Variants in CLVS1 observed in about 807,000 individuals in gnomAD.
CLVS1 encodes the protein clavesin 1, also known as clavesin-1.
In CLVS1, 10 loss-of-function variants were observed where a neutral mutation model predicts 33.1. That is an observed-to-expected ratio of 0.30 (90% CI 0.19 to 0.51). The LOEUF (loss-of-function observed/expected upper bound fraction) is 0.51, where lower values mean the gene tolerates loss of function less well. Ranked by LOEUF, CLVS1 falls within the 20% of genes least tolerant of loss-of-function variation. The pLI is 0.97. For synonymous variants in CLVS1, 163 were observed against 166.1 expected, an observed-to-expected ratio of 0.98 and a Z score of 0.14; for missense variants, 343 against 433.4, an observed-to-expected ratio of 0.79 and a Z score of 1.85.
At chr8:61,398,772 G>C (rs1423794921) in intron 3 of CLVS1, among the ~76,000 whole-genome samples, 1 of 152,018 alleles carries the variant, frequency 6.6e-6, no homozygotes, top group Non-Finnish European at 1.5e-5. Context: ...TCATTATTCA[G>C]CTCCCACCTA....
At chr8:61,429,548 C>T (rs564453116) in intron 3 of CLVS1, among the ~76,000 whole-genome samples, 6 of 152,140 alleles carry the variant, frequency 3.9e-5, no homozygotes, top group African/African-American at 1.4e-4. Context: ...CAGAGTCCTC[C>T]AGATCTAATC....
rs999408832 is a variant in CLVS1 at position 61,491,761 on chromosome 8, A to G, written c.978-7694A>G. Among the ~76,000 whole-genome samples, 3 of 152,224 alleles carry G rather than the reference A, an allele frequency of 2.0e-5. 1 individual carries two copies. In the East Asian group the frequency reaches 5.8e-4, roughly 29 times the overall value. On this transcript the variant is annotated intron_variant, in intron 5 of 5. Transcript: ENST00000325897. The stretch of plus-strand genomic sequence containing the variant: ...AAACAAAATAGCATGAACACTTACA[A>G]ATGGAAAAAGCACAGATGATTGTTA...
chr8:61,306,551 T>C (rs1173955286), intron 2 of CLVS1, among the ~76,000 whole-genome samples: 1 of 152,228 alleles, frequency 6.6e-6, no homozygotes, highest in Non-Finnish European at 1.5e-5. Context: ...ATTCATCTGA[T>C]GATGAGCACT....
chr8:61,211,144 G>A (rs1585691722), intron 2 of CLVS1, among the ~76,000 whole-genome samples: 1 of 152,138 alleles, frequency 6.6e-6, no homozygotes, highest in East Asian at 1.9e-4. Context: ...GGGACCTTCT[G>A]AACAGTTTCA....
chr8:61,101,776 C>T (rs1325389468), intron 1 of CLVS1, among the ~76,000 whole-genome samples: 2 of 148,584 alleles, frequency 1.3e-5, no homozygotes, highest in African/African-American at 2.5e-5. Flanking sequence ...TTTGAGTTAA[C>T]GTTTTAAATA....
chr8:61,375,540 C>T (rs757334640), intron 2 of CLVS1, among the ~76,000 whole-genome samples: 70 of 152,136 alleles, frequency 4.6e-4, no homozygotes, highest in African/African-American at 1.4e-3. Context: ...CTTTAGCCAC[C>T]GCCTGGCCCT....
chr8:61,499,418 GT>G, intron 5 of CLVS1, 36 bp from the exon 6 acceptor site: 1 of 1,461,074 alleles, frequency 6.8e-7, no homozygotes, highest in Non-Finnish European at 9.6e-7. Context: ...ACCATGAATT[GT>G]TTGTAATTCT....
chr8:61,019,227 G>A, the CLVS1 span, among the ~76,000 whole-genome samples: 1 of 152,224 alleles, frequency 6.6e-6, no homozygotes, highest in Admixed American at 6.5e-5. Flanking sequence ...CCATCGTAAA[G>A]ATTCAGGAGA....
chr8:61,254,395 C>T (rs1006110252), intron 2 of CLVS1, among the ~76,000 whole-genome samples: 7 of 152,180 alleles, frequency 4.6e-5, no homozygotes, highest in Non-Finnish European at 5.9e-5. Context: ...GCAGTCTGTC[C>T]GTTCTCATAT....
intron 2 of CLVS1, among the ~76,000 whole-genome samples, chr8:61,232,024 T>TA (rs1808448126): frequency 1.1e-5 from 1 of 93,566 alleles, no homozygotes; most frequent in Non-Finnish European, 2.2e-5. Flanking sequence ...AAAGTTGTGG[T>TA]TTTTTTTTTT....
intron 1 of CLVS1, among the ~76,000 whole-genome samples, chr8:61,079,688 G>A (rs1466461914): frequency 2.0e-5 from 3 of 152,126 alleles, no homozygotes; most frequent in South Asian, 4.1e-4. Flanking sequence ...AGTTACAAAA[G>A]CTGATGAAGG....
chr8:61,244,739 A>T (rs887949793), intron 2 of CLVS1, among the ~76,000 whole-genome samples: 14 of 152,160 alleles, frequency 9.2e-5, no homozygotes, highest in African/African-American at 3.1e-4. Flanking sequence ...GCATGTGTGT[A>T]TGGGGGTATA....
At chr8:61,485,897 A>G (rs1396186550) in intron 5 of CLVS1, among the ~76,000 whole-genome samples, 1 of 152,088 alleles carries the variant, frequency 6.6e-6, no homozygotes, top group Non-Finnish European at 1.5e-5. Flanking sequence ...TTAAACAATG[A>G]GAACACTTGG....
chr8:61,244,953 G>T (rs958194865), intron 2 of CLVS1, among the ~76,000 whole-genome samples: 2 of 151,778 alleles, frequency 1.3e-5, no homozygotes, highest in South Asian at 2.1e-4. Context: ...ATCCTGTCAA[G>T]AATTTCTTTA....
chr8:61,039,633 C>T, the CLVS1 span, among the ~76,000 whole-genome samples: 2 of 152,148 alleles, frequency 1.3e-5, no homozygotes, highest in African/African-American at 4.8e-5. Context: ...GCCTCCACCT[C>T]CTGCTCAAGT....
intron 2 of CLVS1, among the ~76,000 whole-genome samples, chr8:61,317,537 T>C (rs1159412525): frequency 6.6e-6 from 1 of 152,198 alleles, no homozygotes; most frequent in African/African-American, 2.4e-5. Context: ...TCTTGGTCCA[T>C]GCAGTTTTCC....
chr8:61,495,775 A>G (rs913038913), intron 5 of CLVS1, among the ~76,000 whole-genome samples: 1 of 152,210 alleles, frequency 6.6e-6, no homozygotes, highest in Admixed American at 6.5e-5. Context: ...AGAGCAAAAA[A>G]CAAACCAAAA....
intron 5 of CLVS1, chr8:61,464,978 ACCTTACAGGTCAT>A (rs767819136): frequency 2.6e-5 from 4 of 152,144 alleles, no homozygotes; most frequent in Non-Finnish European, 5.9e-5. Context: ...ATTGGAAGAG[ACCTTACAGGTCAT>A]CTCTTCCAGT....
intron 2 of CLVS1, among the ~76,000 whole-genome samples, chr8:61,344,977 C>T (rs1385764093): frequency 1.3e-5 from 2 of 152,174 alleles, no homozygotes; most frequent in East Asian, 3.9e-4. Flanking sequence ...TTTGTGTGAC[C>T]TACTGTGTTA....
Sources: allele counts gnomAD v4.1 joint callset (sites outside exome capture counted in the v4.1 genomes callset), GRCh38; gene constraint gnomAD v4.1.1; transcripts MANE v1.5; gene names NCBI Gene and HGNC (gene_info 2026-07-23, HGNC 2026-07-21).